The following KIF5C variants were observed in gnomAD, a reference collection of about 807,000 sequenced individuals.
KIF5C encodes the protein kinesin family member 5C.
A neutral mutation model predicts 125.2 loss-of-function variants in KIF5C; 18 were observed. The observed-to-expected ratio is 0.14, with a 90% CI of 0.10 to 0.21. The LOEUF (loss-of-function observed/expected upper bound fraction) is 0.21. Ranked by LOEUF, KIF5C falls within the 10% of genes least tolerant of loss-of-function variation. The pLI, the probability that KIF5C is intolerant of heterozygous loss-of-function variation, is 1.00. For missense variants in KIF5C, 780 were observed against 1,183.8 expected (o/e 0.66, Z 5.01); for synonymous variants, 405 against 434.0 (o/e 0.93, Z 0.83).
At chr2:148,983,954 G>A (rs897062171) in intron 15 of KIF5C, among the ~76,000 whole-genome samples, 188 bp downstream of exon 15, 6 of 152,146 alleles carry the variant, frequency 3.9e-5, no homozygotes, top group Admixed American at 6.5e-5. Flanking sequence ...GTGAGGAGGA[G>A]GAGAAAAAAA....
chr2:148,998,189 G>T, intron 18 of KIF5C: 1 of 745,636 alleles, frequency 1.3e-6, no homozygotes. Context: ...TGGCTTCTAG[G>T]GCCAACTTGG....
intron 1 of KIF5C, among the ~76,000 whole-genome samples, chr2:148,907,768 G>A (rs1226339074): frequency 6.6e-6 from 1 of 152,190 alleles, no homozygotes; most frequent in Non-Finnish European, 1.5e-5. Context: ...AAGGTGAGGG[G>A]CAGGGAGAAG....
chr2:149,014,957 G>A (rs765578244), intron 25 of KIF5C, among the ~76,000 whole-genome samples: 3 of 152,186 alleles, frequency 2.0e-5, no homozygotes, highest in Non-Finnish European at 4.4e-5. Flanking sequence ...GGAAGCTGAG[G>A]TGGGCAGATC....
rs915544982 is a variant in KIF5C at position 148,954,955 on chromosome 2, AT to A, written c.968+4498del. 2.7e-3 allele frequency among the ~76,000 whole-genome samples: 407 copies of A among 152,302 alleles called. 5 individuals carry two copies. Among genetic ancestry groups the A allele is most frequent in the African/African-American group, 9.6e-3 (397 of 41,554 alleles). On this transcript the variant is annotated intron_variant, in intron 10 of 25. Coordinates refer to ENST00000435030, the MANE Select transcript of KIF5C (RefSeq NM_004522.3). ...TGTTGCTGAAACACCAGTAGGGTTA[AT>A]TTTTGCCCTTGGAGGGAAGAAATAC...
intron 1 of KIF5C, 29 bp from the exon 2 acceptor site, chr2:148,922,108 T>C (rs780270511): frequency 1.3e-6 from 2 of 1,500,204 alleles, no homozygotes; most frequent in South Asian, 1.2e-5. Context: ...TTTTTCCACC[T>C]TTTTCTTCCC....
intron 8 of KIF5C, among the ~76,000 whole-genome samples, chr2:148,949,006 T>C (rs1682592369): frequency 6.6e-6 from 1 of 152,206 alleles, no homozygotes; most frequent in African/African-American, 2.4e-5. Context: ...CCTTTATATG[T>C]GATTCGAATT....
At chr2:148,900,555 G>A (rs1401258538) in intron 1 of KIF5C, among the ~76,000 whole-genome samples, 1 of 152,130 alleles carries the variant, frequency 6.6e-6, no homozygotes, top group Non-Finnish European at 1.5e-5. Context: ...ACCCTCGTTT[G>A]CCTCTTTACA....
intron 1 of KIF5C, among the ~76,000 whole-genome samples, chr2:148,912,837 A>C (rs886560224): frequency 6.6e-6 from 1 of 152,194 alleles, no homozygotes; most frequent in Non-Finnish European, 1.5e-5. Context: ...CTTCTCCTGC[A>C]TGACAACTGA....
In KIF5C at chr2:149,005,413, G is replaced by A. The variant is rs184488465; in HGVS notation, c.2394G>A (p.Leu798=). 323 of 1,613,812 alleles carry A rather than the reference G, an allele frequency of 2.0e-4. 2 individuals are homozygous for A. The African/African-American group carries it at 3.8e-3, about 19-fold the overall frequency. Residue 798 remains leucine (L), a synonymous_variant, in exon 22 of 26, where the codon CTG becomes CTA. Coordinates refer to ENST00000435030, the MANE Select transcript of KIF5C (RefSeq NM_004522.3). ...EETVSRELQT[L]HNLRKLFVQD... ...TCCAGTCTAGAGAATTGCAGACACT[G>A]CACAACCTTCGGAAACTCTTTGTCC...
intron 1 of KIF5C, among the ~76,000 whole-genome samples, chr2:148,897,192 A>G (rs2105052221): frequency 6.6e-6 from 1 of 152,322 alleles, no homozygotes; most frequent in East Asian, 1.9e-4. Context: ...ACACAGACAC[A>G]CATCTGAAAT....
intron 17 of KIF5C, among the ~76,000 whole-genome samples, chr2:148,995,160 A>G (rs1426815267): frequency 1.3e-5 from 2 of 152,122 alleles, no homozygotes; most frequent in Non-Finnish European, 2.9e-5. Context: ...CCTCTGGTTC[A>G]CTGTCCAGGT....
At chr2:148,931,642 G>A (rs927523345) in intron 3 of KIF5C, among the ~76,000 whole-genome samples, 6 of 152,148 alleles carry the variant, frequency 3.9e-5, no homozygotes, top group African/African-American at 1.4e-4. Flanking sequence ...CAGCCTGGGT[G>A]ACAGAACAAG....
At chr2:148,963,327 C>G (rs1343170597) in intron 11 of KIF5C, among the ~76,000 whole-genome samples, 1 of 151,924 alleles carries the variant, frequency 6.6e-6, no homozygotes. Flanking sequence ...GGCTGTTGTG[C>G]AGGATTGGGA....
intron 1 of KIF5C, among the ~76,000 whole-genome samples, chr2:148,913,177 A>C (rs1681410317): frequency 6.6e-6 from 1 of 152,194 alleles, no homozygotes; most frequent in African/African-American, 2.4e-5. Flanking sequence ...TCTAAACCCA[A>C]ATGTGTGGAA....
chr2:148,984,193 G>T (rs573279760), intron 15 of KIF5C, among the ~76,000 whole-genome samples: 1 of 152,322 alleles, frequency 6.6e-6, no homozygotes, highest in African/African-American at 2.4e-5. Context: ...GATTCTAACA[G>T]TGGCTTAAGA....
rs902853126 is a variant in KIF5C at position 148,920,240 on chromosome 2, G to A, written c.127-1897G>A. Among the ~76,000 whole-genome samples, 9 of 152,158 alleles carry A rather than the reference G, an allele frequency of 5.9e-5. No homozygotes were observed. The South Asian group carries it at 6.2e-4, about 11-fold the overall frequency. The stretch of plus-strand genomic sequence containing the variant: ...GATTCTCATTGTTTGTATAAATAGG[G>A]GATTTGTTTTAAATTAAGCAAAGCT... On this transcript the variant is annotated intron_variant, in intron 1 of 25. Coordinates refer to ENST00000435030, the MANE Select transcript of KIF5C (RefSeq NM_004522.3).
At chr2:148,915,078 G>A (rs1351548202) in intron 1 of KIF5C, among the ~76,000 whole-genome samples, 1 of 152,302 alleles carries the variant, frequency 6.6e-6, no homozygotes, top group East Asian at 1.9e-4. Context: ...CAGATAAATG[G>A]GAAGGTAGGT....
rs1301621601 is a variant in KIF5C, at chr2:149,011,723, A to G, written c.*7+40A>G. ...AAGGGTGGTTTCTCTATCTGGAGGC[A>G]GAGGCTTCTTGCCTTTCCAAAGCCC... is the stretch of plus-strand genomic sequence containing the variant. On this transcript the variant is annotated intron_variant, in intron 25 of 25. Transcript: ENST00000435030. The G allele has an allele frequency of 1.9e-6, 3 of 1,612,708 alleles. 1 individual carries two copies. Among genetic ancestry groups the G allele is most frequent in the South Asian group, 2.2e-5 (2 of 90,920 alleles).
chr2:148,923,474 C>A (rs756240745), intron 2 of KIF5C, among the ~76,000 whole-genome samples: 1 of 152,108 alleles, frequency 6.6e-6, no homozygotes. Context: ...GGACCTATAT[C>A]GGGTGGTAAT....
Sources: gnomAD v4.1 joint callset for allele counts (sites outside exome capture counted in the v4.1 genomes callset) on GRCh38, gnomAD v4.1.1 for gene constraint, MANE v1.5 for transcripts, NCBI Gene and HGNC (gene_info 2026-07-23, HGNC 2026-07-21) for gene names.